RYR2: variants seen among roughly 807,000 people sequenced by gnomAD.
RYR2 encodes the protein cardiac muscle ryanodine receptor-calcium release channel.
RYR2 carries 227 observed loss-of-function variants against 601.1 expected under a neutral mutation model. The ratio of observed to expected loss-of-function variants is 0.38; its 90% CI spans 0.34 to 0.42. The LOEUF (loss-of-function observed/expected upper bound fraction) is 0.42. Ranked by LOEUF, RYR2 falls within the 10% of genes least tolerant of loss-of-function variation. The pLI, the probability that RYR2 is intolerant of heterozygous loss-of-function variation, is 1.00. For synonymous variants in RYR2, 2,223 were observed against 2,175.1 expected (o/e 1.02, Z -0.61); for missense variants, 4,646 against 6,156.5 (o/e 0.75, Z 8.21).
chr1:237,222,649 C>T (rs1009357597), intron 1 of RYR2, among the ~76,000 whole-genome samples: 31 of 152,064 alleles, frequency 2.0e-4, no homozygotes, highest in Non-Finnish European at 2.2e-4. Flanking sequence ...AAGGTTTTGA[C>T]GATACCTGCA....
chr1:237,270,176 C>T (rs1299688172), intron 1 of RYR2: 19 of 420,916 alleles, frequency 4.5e-5, no homozygotes, highest in South Asian at 2.5e-4. Context: ...AAAATAGTGA[C>T]GATAATATGA....
intron 2 of RYR2, among the ~76,000 whole-genome samples, chr1:237,276,096 G>T (rs1050895381): frequency 6.6e-6 from 1 of 152,018 alleles, no homozygotes; most frequent in East Asian, 1.9e-4. Flanking sequence ...GCATATATTC[G>T]TATTTTATTT....
At chr1:237,720,672 G>T (rs74485406) in intron 73 of RYR2, among the ~76,000 whole-genome samples, 3,232 of 152,314 alleles carry the variant, frequency 0.021, 121 homozygotes, top group African/African-American at 0.072. Flanking sequence ...ATGAAAGGGT[G>T]CAGGGGATCC....
At chr1:237,063,195 T>C (rs1057032995) in intron 1 of RYR2, among the ~76,000 whole-genome samples, 2 of 152,200 alleles carry the variant, frequency 1.3e-5, no homozygotes, top group Admixed American at 6.5e-5. Flanking sequence ...GAAGAGGGCC[T>C]TCACCAGAAC....
chr1:237,728,758 G>A (rs531959818), intron 76 of RYR2, among the ~76,000 whole-genome samples: 8 of 151,470 alleles, frequency 5.3e-5, no homozygotes, highest in African/African-American at 1.9e-4. Flanking sequence ...TACAGGGAGG[G>A]GAACATCACA....
chr1:237,510,721 C>T (rs1265861678), intron 23 of RYR2, among the ~76,000 whole-genome samples: 1 of 152,216 alleles, frequency 6.6e-6, no homozygotes, highest in Non-Finnish European at 1.5e-5. Context: ...CAGCATATGG[C>T]TGCCATCTAG....
At chr1:237,820,128 A>C (rs1227227823) in intron 101 of RYR2, among the ~76,000 whole-genome samples, 1 of 145,912 alleles carries the variant, frequency 6.9e-6, no homozygotes, top group East Asian at 2.1e-4. Context: ...AGGAGGTTGC[A>C]GTGAGCAGAG....
chr1:237,379,755 T>C (rs1288595536), intron 8 of RYR2, among the ~76,000 whole-genome samples: 1 of 152,218 alleles, frequency 6.6e-6, no homozygotes, highest in Admixed American at 6.5e-5. Context: ...TGGCTGGGAC[T>C]ACAGGCATGA....
chr1:237,168,928 G>A (rs1677024480), intron 1 of RYR2, among the ~76,000 whole-genome samples: 1 of 152,114 alleles, frequency 6.6e-6, no homozygotes, highest in South Asian at 2.1e-4. Flanking sequence ...GGTTATTGGT[G>A]CTCTGTTTTT....
At chr1:237,097,497 G>T (rs569389582) in intron 1 of RYR2, among the ~76,000 whole-genome samples, 2 of 152,310 alleles carry the variant, frequency 1.3e-5, no homozygotes, top group East Asian at 1.9e-4. Flanking sequence ...TGCTCTGTAA[G>T]TCTGGCCTCT....
At chr1:237,702,310 A>T (rs186969635) in intron 66 of RYR2, among the ~76,000 whole-genome samples, 1 of 152,318 alleles carries the variant, frequency 6.6e-6, no homozygotes, top group East Asian at 1.9e-4. Context: ...GTTTCAGCTG[A>T]GTGTTTGAGT....
chr1:237,377,243 G>A (rs1701116073), intron 7 of RYR2, 80 bp from the exon 8 acceptor site: 4 of 950,446 alleles, frequency 4.2e-6, no homozygotes, highest in Non-Finnish European at 4.7e-6. Flanking sequence ...TGAAAGTTGT[G>A]TGTTGGGAAT....
chr1:237,651,958 A>AC (rs1682798297), intron 51 of RYR2, among the ~76,000 whole-genome samples: 1 of 152,050 alleles, frequency 6.6e-6, no homozygotes, highest in Admixed American at 6.6e-5. Flanking sequence ...AATGGCGTGA[A>AC]CCCGGGAGGT....
intron 2 of RYR2, among the ~76,000 whole-genome samples, chr1:237,327,379 T>C (rs934250154): frequency 6.6e-5 from 10 of 152,212 alleles, no homozygotes; most frequent in African/African-American, 2.4e-4. Context: ...ATAAAATTCA[T>C]TTGACAGGAT....
intron 1 of RYR2, among the ~76,000 whole-genome samples, chr1:237,254,006 A>G (rs527744026): frequency 3.5e-4 from 54 of 152,326 alleles, no homozygotes; most frequent in African/African-American, 1.2e-3. Flanking sequence ...TGATAGATAA[A>G]TGTTATGTCC....
At chr1:237,178,724 T>A (rs1678366960) in intron 1 of RYR2, among the ~76,000 whole-genome samples, 1 of 152,074 alleles carries the variant, frequency 6.6e-6, no homozygotes, top group Non-Finnish European at 1.5e-5. Context: ...GAGGATTGCT[T>A]GAGCCCAGAG....
chr1:237,099,331 G>A (rs913469857), intron 1 of RYR2, among the ~76,000 whole-genome samples: 5 of 151,902 alleles, frequency 3.3e-5, no homozygotes, highest in Admixed American at 6.6e-5. Context: ...TCAACCTCCC[G>A]GGCTCAAGCA....
intron 29 of RYR2, among the ~76,000 whole-genome samples, chr1:237,577,000 C>T (rs1001901738): frequency 2.0e-5 from 3 of 152,152 alleles, no homozygotes; most frequent in Non-Finnish European, 2.9e-5. Context: ...ACCTCTTTTA[C>T]GTTGCTCTTA....
chr1:237,510,961 T>C (rs1665829508), intron 23 of RYR2, among the ~76,000 whole-genome samples: 1 of 152,092 alleles, frequency 6.6e-6, no homozygotes, highest in African/African-American at 2.4e-5. Context: ...GATCAGGAGG[T>C]AACATGCAGG....
Sources: allele counts gnomAD v4.1 joint callset (sites outside exome capture counted in the v4.1 genomes callset), GRCh38; gene constraint gnomAD v4.1.1; transcripts MANE v1.5; gene names NCBI Gene and HGNC (gene_info 2026-07-23, HGNC 2026-07-21).